The following ST6GALNAC3 variants were observed in gnomAD, a reference collection of about 807,000 sequenced individuals.
ST6GALNAC3 encodes the protein ST6 N-acetylgalactosaminide alpha-2,6-sialyltransferase 3.
In ST6GALNAC3, 25 loss-of-function variants were observed where a neutral mutation model predicts 32.7. The ratio of observed to expected loss-of-function variants is 0.76; its 90% CI spans 0.56 to 1.07. The LOEUF (loss-of-function observed/expected upper bound fraction) is 1.07. Ranked by LOEUF, ST6GALNAC3 falls within the 50% of genes least tolerant of loss-of-function variation. The pLI is 0.00. For synonymous variants in ST6GALNAC3, 129 were observed against 133.1 expected, an observed-to-expected ratio of 0.97 and a Z score of 0.21; for missense variants, 355 against 382.4, an observed-to-expected ratio of 0.93 and a Z score of 0.60.
chr1:76,155,957 AC>A (rs1179829776), intron 1 of ST6GALNAC3, among the ~76,000 whole-genome samples: 4 of 152,084 alleles, frequency 2.6e-5, no homozygotes, highest in African/African-American at 9.7e-5. Flanking sequence ...TACCCAGGAT[AC>A]CGCCTTACCT....
chr1:76,513,487 G>A (rs996960103), intron 3 of ST6GALNAC3, among the ~76,000 whole-genome samples: 1 of 152,072 alleles, frequency 6.6e-6, no homozygotes, highest in Non-Finnish European at 1.5e-5. Context: ...CCATTGATCT[G>A]TGTGTCTGCT....
chr1:76,314,090 T>TA, intron 2 of ST6GALNAC3, 91 bp downstream of exon 2: 1 of 1,275,116 alleles, frequency 7.8e-7, no homozygotes, highest in South Asian at 1.5e-5. Flanking sequence ...TCACTGAACT[T>TA]ACTCTGTCTG....
At chr1:76,628,397 G>A (rs558173703) in intron 4 of ST6GALNAC3, among the ~76,000 whole-genome samples, 1 of 151,918 alleles carries the variant, frequency 6.6e-6, no homozygotes, top group South Asian at 2.1e-4. Context: ...AATGTAATTG[G>A]CATGATATAT....
At chr1:76,084,904 A>G (rs563324367) in intron 1 of ST6GALNAC3, among the ~76,000 whole-genome samples, 2 of 152,302 alleles carry the variant, frequency 1.3e-5, no homozygotes, top group South Asian at 4.1e-4. Flanking sequence ...ACAGATATTT[A>G]TTGTCTCACA....
At chr1:76,578,638 A>G (rs574385293) in intron 3 of ST6GALNAC3, among the ~76,000 whole-genome samples, 1 of 152,106 alleles carries the variant, frequency 6.6e-6, no homozygotes, top group South Asian at 2.1e-4. Context: ...GGCTAAAATA[A>G]ACCTAGACAC....
intron 3 of ST6GALNAC3, among the ~76,000 whole-genome samples, chr1:76,522,888 G>A (rs974929778): frequency 1.3e-5 from 2 of 152,144 alleles, no homozygotes; most frequent in African/African-American, 4.8e-5. Flanking sequence ...CAGCAGACAG[G>A]CCTTCAGCTA....
chr1:76,239,242 A>T (rs1656833010), intron 1 of ST6GALNAC3, among the ~76,000 whole-genome samples: 1 of 152,086 alleles, frequency 6.6e-6, no homozygotes, highest in South Asian at 2.1e-4. Flanking sequence ...CTAACACCCT[A>T]GTTTTTGAAT....
chr1:76,163,864 C>T (rs1202157762), intron 1 of ST6GALNAC3, among the ~76,000 whole-genome samples: 1 of 152,308 alleles, frequency 6.6e-6, no homozygotes, highest in East Asian at 1.9e-4. Flanking sequence ...CCAGTACAAG[C>T]TTTGCTAACT....
intron 1 of ST6GALNAC3, among the ~76,000 whole-genome samples, chr1:76,144,432 T>C (rs1325919325): frequency 6.6e-6 from 1 of 152,256 alleles, no homozygotes; most frequent in Non-Finnish European, 1.5e-5. Flanking sequence ...GCCTGGCCTC[T>C]AGTTGAACTT....
intron 3 of ST6GALNAC3, among the ~76,000 whole-genome samples, chr1:76,596,237 C>A (rs1414041498): frequency 6.6e-6 from 1 of 152,112 alleles, no homozygotes; most frequent in Admixed American, 6.6e-5. Flanking sequence ...TTACTTCCTA[C>A]CTAATAACGT....
intron 1 of ST6GALNAC3, among the ~76,000 whole-genome samples, chr1:76,172,772 C>G (rs1652603884): frequency 6.6e-6 from 1 of 151,844 alleles, no homozygotes; most frequent in African/African-American, 2.4e-5. Context: ...AGGAATACAA[C>G]TAACAAGGGA....
At chr1:76,222,141 G>A (rs1466259619) in intron 1 of ST6GALNAC3, among the ~76,000 whole-genome samples, 3 of 152,056 alleles carry the variant, frequency 2.0e-5, no homozygotes, top group Non-Finnish European at 4.4e-5. Flanking sequence ...CATTTAAAAT[G>A]TGCTTTTGCA....
At chr1:76,410,986 G>A (rs1446060683) in intron 2 of ST6GALNAC3, among the ~76,000 whole-genome samples, 1 of 152,072 alleles carries the variant, frequency 6.6e-6, no homozygotes, top group Non-Finnish European at 1.5e-5. Flanking sequence ...CTCACCAACA[G>A]GCACAATAAA....
At chr1:76,100,733 G>C (rs1009033137) in intron 1 of ST6GALNAC3, among the ~76,000 whole-genome samples, 1 of 151,610 alleles carries the variant, frequency 6.6e-6, no homozygotes, top group Admixed American at 6.6e-5. Flanking sequence ...GGAGGTATTT[G>C]AGTATGATCA....
rs568613651 is a variant in ST6GALNAC3, at chr1:76,633,085, A to G, written c.*4279A>G. On this transcript the variant is annotated 3_prime_UTR_variant, in exon 5 of 5. Coordinates refer to ENST00000328299, the MANE Select transcript of ST6GALNAC3 (RefSeq NM_152996.4). Reference sequence around the variant, plus strand: ...TGAAAGAGATTTTAAAGACCAGCCAATTCAACTCCTACACCTTGGAGCTGA... The same window carrying G: ...TGAAAGAGATTTTAAAGACCAGCCAGTTCAACTCCTACACCTTGGAGCTGA... The G allele has an allele frequency of 2.0e-5, 3 of 152,344 alleles. No homozygotes were observed. The highest frequency in any genetic ancestry group is 2.9e-5 in the Non-Finnish European group (2 of 68,042). 9.4% of individuals were successfully genotyped at this position (152,344 alleles called of 1,614,324 possible).
chr1:76,466,058 C>T (rs1168816704), intron 3 of ST6GALNAC3, among the ~76,000 whole-genome samples: 1 of 152,024 alleles, frequency 6.6e-6, no homozygotes, highest in Non-Finnish European at 1.5e-5. Context: ...ATAAAGGATG[C>T]TCATATAAAA....
intron 1 of ST6GALNAC3, among the ~76,000 whole-genome samples, chr1:76,306,269 T>G (rs1661045104): frequency 6.6e-6 from 1 of 152,046 alleles, no homozygotes; most frequent in Non-Finnish European, 1.5e-5. Context: ...GAACACTAGG[T>G]ACCCTTTGAC....
chr1:76,290,275 T>C (rs1660008224), intron 1 of ST6GALNAC3, among the ~76,000 whole-genome samples: 1 of 152,222 alleles, frequency 6.6e-6, no homozygotes, highest in Non-Finnish European at 1.5e-5. Context: ...ACACTATTGC[T>C]GTGTAGATCC....
chr1:76,545,926 T>C (rs1223070282), intron 3 of ST6GALNAC3, among the ~76,000 whole-genome samples: 1 of 152,226 alleles, frequency 6.6e-6, no homozygotes. Flanking sequence ...TCCAAAGTGC[T>C]GGGATCACTG....
Sources: allele counts gnomAD v4.1 joint callset (sites outside exome capture counted in the v4.1 genomes callset), GRCh38; gene constraint gnomAD v4.1.1; transcripts MANE v1.5; gene names NCBI Gene and HGNC (gene_info 2026-07-23, HGNC 2026-07-21).